The following PLXDC2 variants were observed in gnomAD, a reference collection of about 807,000 sequenced individuals.
PLXDC2 encodes the protein plexin domain containing 2.
A neutral mutation model predicts 68.9 loss-of-function variants in PLXDC2; 40 were observed. The ratio of observed to expected loss-of-function variants is 0.58; its 90% CI spans 0.45 to 0.76. PLXDC2 has a LOEUF of 0.76. Among genes scored for constraint, PLXDC2 ranks in the 30% least tolerant of loss-of-function variants. The probability of loss-of-function intolerance (pLI) is 0.00; values close to 1 mark genes in which losing one functional copy is unlikely to be tolerated. For synonymous variants in PLXDC2, 243 were observed against 234.2 expected, an observed-to-expected ratio of 1.04 and a Z score of -0.34; for missense variants, 644 against 661.9, an observed-to-expected ratio of 0.97 and a Z score of 0.30.
intron 4 of PLXDC2, among the ~76,000 whole-genome samples, chr10:20,127,225 A>G (rs1254105714): frequency 6.6e-6 from 1 of 152,110 alleles, no homozygotes; most frequent in Non-Finnish European, 1.5e-5. Context: ...TTATCTTGCC[A>G]TGAAAAGGGA....
rs986057233 is a variant in PLXDC2, at chr10:20,024,138, A to G, written c.324+22152A>G. ...TGCTTATTTTGCCTCCTTGACTTTCAAAAACATTCCTTTTATTCCTCTATA... is the reference window on the plus strand; with the variant it reads ...TGCTTATTTTGCCTCCTTGACTTTCGAAAACATTCCTTTTATTCCTCTATA... On this transcript the variant is annotated intron_variant, in intron 2 of 13. Coordinates refer to ENST00000377252, the MANE Select transcript of PLXDC2 (RefSeq NM_032812.9). 4.1e-4 allele frequency among the ~76,000 whole-genome samples: 63 copies of G among 152,342 alleles called. 2 individuals carry two copies. Among genetic ancestry groups the G allele is most frequent in the Admixed American group, 4.6e-4 (7 of 15,298 alleles).
chr10:19,948,489 A>G (rs1407281968), intron 1 of PLXDC2, among the ~76,000 whole-genome samples: 1 of 151,756 alleles, frequency 6.6e-6, no homozygotes, highest in Admixed American at 6.6e-5. Flanking sequence ...AGAATGACCA[A>G]CAGTTTGCTA....
intron 1 of PLXDC2, among the ~76,000 whole-genome samples, chr10:19,994,253 CTTTTTTTTT>C (rs528321973): frequency 1.1e-5 from 1 of 87,488 alleles, no homozygotes; most frequent in Admixed American, 1.5e-4. Flanking sequence ...TTGTATTCTC[CTTTTTTTTT>C]TTTTTTTTTT....
chr10:20,050,220 A>C (rs371756077), intron 3 of PLXDC2, among the ~76,000 whole-genome samples: 24 of 152,168 alleles, frequency 1.6e-4, no homozygotes, highest in Non-Finnish European at 2.9e-5. Flanking sequence ...TTCGAGATGG[A>C]CTAAAGACTT....
chr10:20,011,084 T>C (rs563890287), intron 2 of PLXDC2, among the ~76,000 whole-genome samples: 6 of 152,336 alleles, frequency 3.9e-5, no homozygotes, highest in South Asian at 4.1e-4. Context: ...CCCAATGTCA[T>C]AGGTCTAAAT....
At chr10:19,880,386 A>G (rs1837706594) in intron 1 of PLXDC2, among the ~76,000 whole-genome samples, 1 of 152,220 alleles carries the variant, frequency 6.6e-6, no homozygotes, top group African/African-American at 2.4e-5. Context: ...ATGAAGTTTA[A>G]ATAAATTATG....
intron 1 of PLXDC2, among the ~76,000 whole-genome samples, chr10:19,967,505 T>C (rs1489212833): frequency 6.6e-6 from 1 of 152,060 alleles, no homozygotes; most frequent in East Asian, 1.9e-4. Context: ...TGAAACCTAA[T>C]CTTCGAACTA....
At chr10:20,204,650 G>A (rs1246499417) in intron 9 of PLXDC2, among the ~76,000 whole-genome samples, 1 of 152,144 alleles carries the variant, frequency 6.6e-6, no homozygotes, top group Non-Finnish European at 1.5e-5. Flanking sequence ...ATAGAGCATA[G>A]TTAAGCAAAC....
At chr10:20,060,096 G>A (rs1836072782) in intron 3 of PLXDC2, among the ~76,000 whole-genome samples, 1 of 152,152 alleles carries the variant, frequency 6.6e-6, no homozygotes, top group Admixed American at 6.5e-5. Context: ...GCAGTGGTGT[G>A]ATCACAGCTC....
At chr10:20,049,235 C>G (rs545277044) in intron 3 of PLXDC2, among the ~76,000 whole-genome samples, 2 of 152,232 alleles carry the variant, frequency 1.3e-5, no homozygotes, top group South Asian at 4.1e-4. Context: ...CCATCTATGA[C>G]AAACCCACAG....
At chr10:20,192,089 G>A (rs1394743314) in intron 9 of PLXDC2, among the ~76,000 whole-genome samples, 1 of 151,988 alleles carries the variant, frequency 6.6e-6, no homozygotes, top group Non-Finnish European at 1.5e-5. Context: ...AATTAGGAAG[G>A]TGGTAAAGCT....
chr10:19,860,595 T>C (rs1414726761), intron 1 of PLXDC2, among the ~76,000 whole-genome samples: 1 of 152,188 alleles, frequency 6.6e-6, no homozygotes, highest in Non-Finnish European at 1.5e-5. Flanking sequence ...CTTTGCACTG[T>C]GAGAAATCTA....
chr10:20,163,364 C>T (rs1834331959), intron 6 of PLXDC2, among the ~76,000 whole-genome samples: 1 of 152,022 alleles, frequency 6.6e-6, no homozygotes, highest in Admixed American at 6.6e-5. Flanking sequence ...TTCATGATGT[C>T]GTGGTCAAAA....
intron 2 of PLXDC2, among the ~76,000 whole-genome samples, chr10:20,013,289 C>T (rs1835148517): frequency 6.6e-6 from 1 of 152,104 alleles, no homozygotes; most frequent in African/African-American, 2.4e-5. Flanking sequence ...GAAAAACTTA[C>T]AAAGAAAACT....
chr10:20,136,701 T>C (rs1428393415), intron 4 of PLXDC2, among the ~76,000 whole-genome samples: 2 of 152,226 alleles, frequency 1.3e-5, no homozygotes, highest in East Asian at 3.8e-4. Context: ...ACATATACCA[T>C]TATCATTTGC....
intron 4 of PLXDC2, among the ~76,000 whole-genome samples, chr10:20,107,226 T>G (rs1274176146): frequency 6.6e-6 from 1 of 152,058 alleles, no homozygotes; most frequent in Non-Finnish European, 1.5e-5. Flanking sequence ...CTATTACTAT[T>G]CCTTGGTATA....
At chr10:20,061,828 C>T (rs1836110093) in intron 3 of PLXDC2, among the ~76,000 whole-genome samples, 1 of 152,118 alleles carries the variant, frequency 6.6e-6, no homozygotes, top group Non-Finnish European at 1.5e-5. Context: ...GATACCGATT[C>T]TATTAGAAAA....
chr10:19,838,073 A>C (rs1260258478), intron 1 of PLXDC2, among the ~76,000 whole-genome samples: 1 of 152,048 alleles, frequency 6.6e-6, no homozygotes. Context: ...ATCATGACTC[A>C]CTGCAGGCTC....
At chr10:19,967,354 T>C (rs1418695179) in intron 1 of PLXDC2, among the ~76,000 whole-genome samples, 1 of 152,080 alleles carries the variant, frequency 6.6e-6, no homozygotes, top group Non-Finnish European at 1.5e-5. Flanking sequence ...AAAGAAAGGA[T>C]AGGAACTGCA....
Sources: allele counts gnomAD v4.1 joint callset (sites outside exome capture counted in the v4.1 genomes callset), GRCh38; gene constraint gnomAD v4.1.1; transcripts MANE v1.5; gene names NCBI Gene and HGNC (gene_info 2026-07-23, HGNC 2026-07-21).